The following TTC39A variants were observed in gnomAD, a reference collection of about 807,000 sequenced individuals.
TTC39A encodes the protein tetratricopeptide repeat protein 39A.
A neutral mutation model predicts 82.3 loss-of-function variants in TTC39A; 46 were observed. The observed-to-expected ratio is 0.56, with a 90% CI of 0.44 to 0.71. The LOEUF is 0.71. TTC39A is among the 30% of genes least tolerant of loss of function. The probability of loss-of-function intolerance (pLI) is 0.00; values close to 1 mark genes in which losing one functional copy is unlikely to be tolerated. For missense variants in TTC39A, 543 were observed against 712.9 expected, an observed-to-expected ratio of 0.76 and a Z score of 2.71; for synonymous variants, 254 against 275.2, an observed-to-expected ratio of 0.92 and a Z score of 0.76.
chr1:51,320,685 T>G (rs1243321206), intron 2 of TTC39A, among the ~76,000 whole-genome samples: 3 of 151,466 alleles, frequency 2.0e-5, no homozygotes, highest in African/African-American at 7.3e-5. Flanking sequence ...ACTCCTGGGC[T>G]CAAGCGATCT....
At chr1:51,305,055 AG>A in intron 8 of TTC39A, 25 bp downstream of exon 8, 2 of 1,612,224 alleles carry the variant, frequency 1.2e-6, no homozygotes, top group Non-Finnish European at 1.7e-6. Context: ...TGAGCAGGTC[AG>A]GGGTGCTAGG....
Position 51,312,853 on chromosome 1 carries a change from A to C in TTC39A, c.237T>G (p.Leu79=). 1 of 1,613,908 alleles carries C rather than the reference A, an allele frequency of 6.2e-7. No homozygotes were observed. Among genetic ancestry groups the C allele is most frequent in the East Asian group, 2.2e-5 (1 of 44,878 alleles). ...GTGCCTCCTTCATCATGTTGCCGGC[A>C]AGCAGGATGTCCTGAGGGTCAAAGG... ...MMTFDPQDIL[L]AGNMMKEAQM... Residue 79 remains leucine (L), a synonymous_variant, in exon 3 of 18, where the codon CTT becomes CTG. Coordinates refer to ENST00000680483, the MANE Select transcript of TTC39A (RefSeq NM_001297663.2).
chr1:51,326,509 T>C (rs891328940), intron 1 of TTC39A, among the ~76,000 whole-genome samples: 8 of 152,124 alleles, frequency 5.3e-5, no homozygotes, highest in Non-Finnish European at 7.4e-5. Flanking sequence ...TTTGACTTAA[T>C]AATAGCATTA....
At chr1:51,301,812 A>G in intron 11 of TTC39A, 79 bp from the exon 12 acceptor site, 1 of 1,517,886 alleles carries the variant, frequency 6.6e-7, no homozygotes, top group Non-Finnish European at 8.9e-7. Context: ...TCCCAACACC[A>G]CAGCAGACCG....
intron 14 of TTC39A, 123 bp from the exon 15 acceptor site, chr1:51,290,748 A>ATGACAGGTCTCAGTCAGCC: frequency 1.4e-6 from 1 of 715,412 alleles, no homozygotes; most frequent in Non-Finnish European, 2.3e-6. Flanking sequence ...CTAATCATCC[A>ATGACAGGTCTCAGTCAGCC]TGACAGGTCT....
At chr1:51,337,334 C>T (rs1645986792) in intron 1 of TTC39A, among the ~76,000 whole-genome samples, 1 of 152,120 alleles carries the variant, frequency 6.6e-6, no homozygotes, top group Non-Finnish European at 1.5e-5. Context: ...GCCTGGAATG[C>T]TCTTCTCACA....
intron 5 of TTC39A, among the ~76,000 whole-genome samples, chr1:51,309,736 C>T (rs1273246005): frequency 6.6e-6 from 1 of 152,142 alleles, no homozygotes; most frequent in Non-Finnish European, 1.5e-5. Context: ...TCACTGTGTA[C>T]ACCCAACGGA....
chr1:51,318,347 C>G (rs1343965735), intron 2 of TTC39A, among the ~76,000 whole-genome samples: 2 of 152,112 alleles, frequency 1.3e-5, no homozygotes, highest in Non-Finnish European at 2.9e-5. Flanking sequence ...CTGGACATTC[C>G]AAGACAGAGC....
upstream of TTC39A, among the ~76,000 whole-genome samples, chr1:51,335,580 A>AAG (rs1265487972): frequency 7.9e-5 from 12 of 151,594 alleles, no homozygotes; most frequent in African/African-American, 2.9e-4. Context: ...AAAAAAAAAA[A>AAG]AGAGCCCTTA....
At chr1:51,290,940 G>A (rs1644188131) in intron 14 of TTC39A, among the ~76,000 whole-genome samples, 1 of 152,146 alleles carries the variant, frequency 6.6e-6, no homozygotes, top group Non-Finnish European at 1.5e-5. Flanking sequence ...GTGCTATTAT[G>A]TCCTTTCTCC....
rs763830320 is a variant in TTC39A, at chr1:51,305,118, A to G, written c.617T>C (p.Leu206Pro). 1.9e-6 allele frequency: 3 copies of G among 1,613,404 alleles called. No homozygotes were observed. Among genetic ancestry groups the G allele is most frequent in the East Asian group, 4.5e-5 (2 of 44,868 alleles). The change falls in exon 8 of 18, where the codon CTG (leucine) becomes CCG (proline). Residue 206 changes from leucine (L) to proline (P), a missense_variant. Physicochemically the swap from Leu to Pro is moderately conservative, Grantham distance 98. Transcript: ENST00000680483. Reference sequence around the variant, plus strand: ...AAACCCCACAAACTCCAACAGCCTCAGGATCCTAGTAGGAAGCATGGACAG... The same window carrying G: ...AAACCCCACAAACTCCAACAGCCTCGGGATCCTAGTAGGAAGCATGGACAG... ...LTLSMLPTRILRLLEFVGFSG... is the reference protein window; with the variant it reads ...LTLSMLPTRIPRLLEFVGFSG...
At chr1:51,302,118 G>A in intron 11 of TTC39A, 4 of 724,388 alleles carry the variant, frequency 5.5e-6, no homozygotes, top group Non-Finnish European at 5.1e-6. Context: ...CTGCAATGCT[G>A]CAGTCCTATA....
At chr1:51,317,421 C>T (rs116856478) in intron 2 of TTC39A, among the ~76,000 whole-genome samples, 2 of 152,106 alleles carry the variant, frequency 1.3e-5, no homozygotes, top group Non-Finnish European at 2.9e-5. Context: ...GGGTGGTGTG[C>T]TACTGACATT....
rs527474823 is a variant in TTC39A, at chr1:51,328,828, G to C, written c.41+1609C>G. Among the ~76,000 whole-genome samples the C allele has an allele frequency of 4.6e-5, 7 of 152,310 alleles. No homozygotes were observed. In the East Asian group the frequency reaches 1.3e-3, roughly 29 times the overall value. On this transcript the variant is annotated intron_variant, in intron 1 of 17. Coordinates refer to ENST00000680483, the MANE Select transcript of TTC39A (RefSeq NM_001297663.2). ...AAGGTAGAGATTTAAGGCTTGATTT[G>C]TTCACCAATGACCATCTGGGCCCAG...
chr1:51,339,373 C>T (rs1180481819), intron 1 of TTC39A, among the ~76,000 whole-genome samples: 1 of 152,162 alleles, frequency 6.6e-6, no homozygotes, highest in East Asian at 1.9e-4. Context: ...GGTAGATTTC[C>T]GCACTGCTGA....
At chr1:51,306,160 T>A in intron 6 of TTC39A, 84 bp from the exon 7 acceptor site, 1 of 1,113,116 alleles carries the variant, frequency 9.0e-7, no homozygotes, top group Non-Finnish European at 1.4e-6. Context: ...GGGCCTCAGG[T>A]AAACTCCCTG....
intron 1 of TTC39A, among the ~76,000 whole-genome samples, chr1:51,324,479 T>G (rs1328156930): frequency 2.0e-5 from 3 of 151,938 alleles, no homozygotes; most frequent in African/African-American, 7.3e-5. Context: ...CTGGAGGGGG[T>G]TTCTGTTACT....
intron 12 of TTC39A, chr1:51,299,840 G>A (rs1644583183): frequency 6.6e-6 from 1 of 152,402 alleles, no homozygotes; most frequent in African/African-American, 2.4e-5. Context: ...CAGAATCCCA[G>A]CACTTTAGGA....
At position 51,321,785 on chromosome 1, in the gene TTC39A, T is replaced by C; in HGVS notation, c.82A>G (p.Met28Val). 1.9e-6 allele frequency: 3 copies of C among 1,610,614 alleles called. 1 individual carries two copies. Among genetic ancestry groups the C allele is most frequent in the Middle Eastern group, 3.3e-4 (2 of 6,058 alleles). ...SSLHEALDQC[M>V]TALDLFLTNQ... ...GTGAGGAAGAGGTCCAGGGCGGTCA[T>C]GCACTGGTCCAGGGCCTCATGGAGG... The change falls in exon 2 of 18, where the codon ATG becomes GTG. Residue 28 changes from methionine to valine, a missense_variant. Transcript: ENST00000680483. The surrounding 1 kb of genome is among the most constrained non-coding windows in gnomAD (Gnocchi z 4.6).
Sources: gnomAD v4.1 joint callset for allele counts (sites outside exome capture counted in the v4.1 genomes callset) on GRCh38, gnomAD v4.1.1 for gene constraint, Gnocchi (gnomAD v3.1) non-coding constraint, MANE v1.5 for transcripts, NCBI Gene and HGNC (gene_info 2026-07-23, HGNC 2026-07-21) for gene names.